The following UBA2 variants were observed in gnomAD, a reference collection of about 807,000 sequenced individuals.
UBA2 encodes ubiquitin like modifier activating enzyme 2, also known as SUMO-activating enzyme subunit 2.
In UBA2, 11 loss-of-function variants were observed where a neutral mutation model predicts 77.2. The ratio of observed to expected loss-of-function variants is 0.14; its 90% CI spans 0.09 to 0.24. The LOEUF (loss-of-function observed/expected upper bound fraction) is 0.24, where lower values mean the gene tolerates loss of function less well. UBA2 is among the 10% of genes least tolerant of loss of function. The probability of loss-of-function intolerance (pLI) is 1.00; values close to 1 mark genes in which losing one functional copy is unlikely to be tolerated. For synonymous variants in UBA2, 278 were observed against 276.7 expected, an observed-to-expected ratio of 1.00 and a Z score of -0.05; for missense variants, 487 against 781.7, an observed-to-expected ratio of 0.62 and a Z score of 4.50.
intron 12 of UBA2, among the ~76,000 whole-genome samples, chr19:34,458,293 C>T (rs1053201653): frequency 8.5e-5 from 13 of 152,152 alleles, no homozygotes; most frequent in African/African-American, 2.2e-4. Context: ...CGGTGGCTCA[C>T]GCCTGTAATC....
At chr19:34,438,915 T>A (rs2075338201) in intron 6 of UBA2, 149 bp downstream of exon 6, 1 of 1,155,614 alleles carries the variant, frequency 8.7e-7, no homozygotes. Flanking sequence ...ATTTCTTAGG[T>A]TAAATGTAGC....
chr19:34,428,547 A>G lies in UBA2; in HGVS notation c.115A>G (p.Thr39Ala). The G allele has an allele frequency of 1.5e-6, 2 of 1,300,266 alleles. No individual in the cohort carries two copies. The highest frequency in any genetic ancestry group is 3.2e-5 in the South Asian group (1 of 30,984). The allele number at this position is 1,300,266 out of a possible 1,614,324, so 80.5% of individuals were successfully genotyped here. The change falls in exon 1 of 17, where the codon ACC (threonine) becomes GCC (alanine). Residue 39 changes from threonine (T) to alanine (A), a missense_variant. Physicochemically the swap from Thr to Ala is moderately conservative, Grantham distance 58. Transcript: ENST00000246548. ...CGAGCTCCTCAAGAATCTCGTGCTCACCGGTTTCTCCCACATCGACCTGGT... is the reference window on the plus strand; with the variant it reads ...CGAGCTCCTCAAGAATCTCGTGCTCGCCGGTTTCTCCCACATCGACCTGGT... ...GCELLKNLVL[T>A]GFSHIDLIDL...
At chr19:34,428,754 CG>C in intron 1 of UBA2, 184 bp downstream of exon 1, 1 of 1,128,242 alleles carries the variant, frequency 8.9e-7, no homozygotes, top group Non-Finnish European at 1.1e-6. Context: ...TCTTTGGGCA[CG>C]GGGCGGGCCT....
rs569153016 is a variant in UBA2 at position 34,440,925 on chromosome 19, C to CAAA, written c.581+2176_581+2178dup. Among the ~76,000 whole-genome samples the CAAA allele has an allele frequency of 1.9e-3, 121 of 64,428 alleles. 2 individuals are homozygous for CAAA. The highest frequency in any genetic ancestry group is 6.0e-3 in the African/African-American group (115 of 19,186). 42.3% of individuals were successfully genotyped at this position (64,428 alleles called of 152,430 possible). On this transcript the variant is annotated intron_variant, in intron 6 of 16. Transcript: ENST00000246548. ...TGGGCAACAGAGCAAGACTCCATCT[C>CAAA]AAAAAAAAAAAAAAAAAAATTACCA...
At chr19:34,444,968 C>T (rs370186723) in intron 7 of UBA2, 32 bp from the exon 8 acceptor site, 133 of 1,596,476 alleles carry the variant, frequency 8.3e-5, no homozygotes, top group Admixed American at 3.7e-4. Flanking sequence ...ACATTTATTA[C>T]GGTTGAAAAT....
rs752042660 is a variant in UBA2 at position 34,428,487 on chromosome 19, C to A, written c.55C>A (p.Arg19=). The change falls in exon 1 of 17, where the codon CGG becomes AGG. Residue 19 remains arginine, a synonymous_variant. Coordinates refer to ENST00000246548, the MANE Select transcript of UBA2 (RefSeq NM_005499.3). ...RELAEAVAGG[R]VLVVGAGGIG... ...GCTGGCTGAGGCGGTGGCCGGGGGC[C>A]GGGTGCTGGTGGTGGGGGCGGGCGG... 2 of 1,296,386 alleles carry A rather than the reference C, an allele frequency of 1.5e-6. No individual in the cohort carries two copies. Among genetic ancestry groups the A allele is most frequent in the Non-Finnish European group, 2.0e-6 (2 of 1,015,912 alleles). The allele number at this position is 1,296,386 out of a possible 1,614,324, so 80.3% of individuals were successfully genotyped here.
intron 1 of UBA2, chr19:34,428,857 C>T (rs2145481785): frequency 2.8e-6 from 3 of 1,090,204 alleles, no homozygotes; most frequent in Non-Finnish European, 3.3e-6. Context: ...GGCGTGAAGC[C>T]GCCTCTTATC....
intron 4 of UBA2, among the ~76,000 whole-genome samples, chr19:34,433,757 C>G (rs182081954): frequency 1.3e-5 from 2 of 152,074 alleles, no homozygotes; most frequent in Non-Finnish European, 2.9e-5. Context: ...GTCAGGAGTT[C>G]GAGACCAACC....
intron 8 of UBA2, among the ~76,000 whole-genome samples, chr19:34,446,495 T>C (rs574918245): frequency 4.6e-4 from 70 of 152,338 alleles, no homozygotes; most frequent in Non-Finnish European, 7.5e-4. Context: ...TTGTCTGCTT[T>C]CCAACACGCA....
chr19:34,444,348 C>T lies in UBA2; in HGVS notation c.649+437C>T, dbSNP rs541266748. Among the ~76,000 whole-genome samples the T allele has an allele frequency of 3.3e-5, 5 of 151,988 alleles. No homozygotes were observed. The East Asian group carries it at 9.7e-4, about 29-fold the overall frequency. On this transcript the variant is annotated intron_variant, in intron 7 of 16. Transcript: ENST00000246548. ...GCTGGGACAGGCGTAAGCAACCGTGCCTATCCAAAACAATGTTTTACAAAA... is the reference window on the plus strand; with the variant it reads ...GCTGGGACAGGCGTAAGCAACCGTGTCTATCCAAAACAATGTTTTACAAAA...
chr19:34,433,472 T>C, intron 4 of UBA2, 60 bp downstream of exon 4: 1 of 1,152,416 alleles, frequency 8.7e-7, no homozygotes, highest in East Asian at 2.3e-5. Context: ...ATCAAATTTG[T>C]TTACAAATTT....
At chr19:34,463,229 C>T (rs1346036411) in intron 14 of UBA2, among the ~76,000 whole-genome samples, 1 of 152,124 alleles carries the variant, frequency 6.6e-6, no homozygotes, top group Non-Finnish European at 1.5e-5. Context: ...CGGTGAGACC[C>T]TGTCTTTAAA....
intron 6 of UBA2, among the ~76,000 whole-genome samples, chr19:34,439,485 T>G (rs902972955): frequency 2.0e-5 from 3 of 152,146 alleles, no homozygotes; most frequent in Non-Finnish European, 4.4e-5. Context: ...TACTAAATCT[T>G]TACTAAGAAT....
At chr19:34,460,699 T>C in intron 14 of UBA2, 133 bp downstream of exon 14, 1 of 613,346 alleles carries the variant, frequency 1.6e-6, no homozygotes, top group Non-Finnish European at 2.7e-6. Flanking sequence ...AAGGTGCTCT[T>C]TCAAGGTGAC....
chr19:34,452,453 T>G (rs900303936), intron 10 of UBA2, among the ~76,000 whole-genome samples: 3 of 152,202 alleles, frequency 2.0e-5, no homozygotes, highest in Admixed American at 6.5e-5. Flanking sequence ...GATGTATTCA[T>G]AGAAGTCATA....
chr19:34,450,368 A>C lies in UBA2; in HGVS notation c.871+4A>C, dbSNP rs998222803. 1 of 1,590,404 alleles carries C rather than the reference A, an allele frequency of 6.3e-7. No individual in the cohort carries two copies. Among genetic ancestry groups the C allele is most frequent in the Non-Finnish European group, 8.5e-7 (1 of 1,170,844 alleles). On this transcript the variant is annotated splice_donor_region_variant and intron_variant, in intron 9 of 16. Transcript: ENST00000246548. ...TGGGCTGAAGTACAAAGTCAAGGTA[A>C]AGAATACATTTTAGTCTTGGAACAC...
chr19:34,448,355 AAGGCTGAGGCGGG>A (rs1305140539), intron 8 of UBA2, among the ~76,000 whole-genome samples: 2 of 152,008 alleles, frequency 1.3e-5, no homozygotes, highest in African/African-American at 4.8e-5. Context: ...AGCACTTTGG[AAGGCTGAGGCGGG>A]AGGATCACTT....
chr19:34,446,276 T>C (rs1302498181), intron 8 of UBA2, among the ~76,000 whole-genome samples: 1 of 152,230 alleles, frequency 6.6e-6, no homozygotes, highest in Non-Finnish European at 1.5e-5. Context: ...CTTAAGGATA[T>C]AATAACAGGT....
At chr19:34,431,760 T>G in intron 2 of UBA2, 101 bp from the exon 3 acceptor site, 3 of 981,426 alleles carry the variant, frequency 3.1e-6, no homozygotes, top group Non-Finnish European at 4.8e-6. Context: ...TTAATATAAA[T>G]AAGGTACTAT....
Sources: allele counts gnomAD v4.1 joint callset (sites outside exome capture counted in the v4.1 genomes callset), GRCh38; gene constraint gnomAD v4.1.1; transcripts MANE v1.5; gene names NCBI Gene and HGNC (gene_info 2026-07-23, HGNC 2026-07-21).